The following BRD10 variants were observed in gnomAD, a reference collection of about 807,000 sequenced individuals.
The protein encoded by BRD10 is bromodomain containing 10, also known as uncharacterized bromodomain-containing protein 10.
At chr9:6,007,783 C>T in the BRD10 span, 14 of 1,543,498 alleles carry the variant, frequency 9.1e-6, no homozygotes, top group Middle Eastern at 1.9e-4. Context: ...CCCGGGCACA[C>T]TCATGCCCCG....
chr9:6,008,167 G>A, the BRD10 span: 3 of 974,520 alleles, frequency 3.1e-6, no homozygotes, highest in East Asian at 2.3e-4. Flanking sequence ...CGGGCCAGCG[G>A]GGGGCTGGGA....
chr9:5,936,118 G>T, the BRD10 span, among the ~76,000 whole-genome samples: 11 of 152,214 alleles, frequency 7.2e-5, no homozygotes, highest in African/African-American at 2.6e-4. Context: ...CATTTTGGGA[G>T]GCAGAGGAAG....
At chr9:5,943,043 A>C in the BRD10 span, among the ~76,000 whole-genome samples, 25 of 151,978 alleles carry the variant, frequency 1.6e-4, no homozygotes, top group Non-Finnish European at 2.9e-4. Flanking sequence ...ACGCTGAGCT[A>C]ATTTTTTATT....
chr9:5,887,635 G>T, the BRD10 span, among the ~76,000 whole-genome samples: 1 of 152,180 alleles, frequency 6.6e-6, no homozygotes, highest in South Asian at 2.1e-4. Flanking sequence ...GACTTTCTGG[G>T]ATTTTCAGGC....
chr9:5,949,804 A>C, the BRD10 span, among the ~76,000 whole-genome samples: 1 of 152,238 alleles, frequency 6.6e-6, no homozygotes, highest in Non-Finnish European at 1.5e-5. Flanking sequence ...GTCATATAAC[A>C]TTAGATTTCT....
At chr9:5,954,612 C>T in the BRD10 span, among the ~76,000 whole-genome samples, 3 of 152,078 alleles carry the variant, frequency 2.0e-5, no homozygotes, top group Admixed American at 6.6e-5. Flanking sequence ...CTGCCCTTGG[C>T]GGTATCAATA....
At chr9:5,918,853 G>A in the BRD10 span, among the ~76,000 whole-genome samples, 1,704 of 148,436 alleles carry the variant, frequency 0.011, 34 homozygotes, top group African/African-American at 0.039. Flanking sequence ...TGAAACACAA[G>A]ATTTAAGTGA....
the BRD10 span, among the ~76,000 whole-genome samples, chr9:5,970,539 T>G: frequency 2.2e-4 from 33 of 152,258 alleles, no homozygotes; most frequent in African/African-American, 7.7e-4. Flanking sequence ...GTTTCTTAGA[T>G]CTGACACCCA....
the BRD10 span, chr9:5,968,095 G>T: frequency 6.4e-7 from 1 of 1,565,916 alleles, no homozygotes; most frequent in East Asian, 2.3e-5. Flanking sequence ...TGTAAGACTT[G>T]AATGCAAGAG....
At chr9:5,879,306 TA>T in the BRD10 span, among the ~76,000 whole-genome samples, 3 of 148,910 alleles carry the variant, frequency 2.0e-5, no homozygotes, top group African/African-American at 7.5e-5. Context: ...CTACTAAAAA[TA>T]AAAAAATTAT....
At chr9:5,974,409 G>C in the BRD10 span, among the ~76,000 whole-genome samples, 2 of 152,050 alleles carry the variant, frequency 1.3e-5, no homozygotes, top group African/African-American at 2.4e-5. Context: ...ACTTTCATTT[G>C]AACCAACAAC....
At chr9:5,975,550 T>G in the BRD10 span, among the ~76,000 whole-genome samples, 1 of 149,066 alleles carries the variant, frequency 6.7e-6, no homozygotes, top group Admixed American at 6.7e-5. Flanking sequence ...ATGAGAGATA[T>G]AAAGAAGACC....
At chr9:5,949,069 T>A in the BRD10 span, among the ~76,000 whole-genome samples, 1 of 152,132 alleles carries the variant, frequency 6.6e-6, no homozygotes, top group Non-Finnish European at 1.5e-5. Context: ...AAGGGAGAAC[T>A]ATATTAATTT....
chr9:5,914,421 T>TG, the BRD10 span, among the ~76,000 whole-genome samples: 6 of 114,122 alleles, frequency 5.3e-5, no homozygotes, highest in Non-Finnish European at 1.1e-4. Flanking sequence ...TTTTTTTTTT[T>TG]TTTTTTTTTT....
the BRD10 span, among the ~76,000 whole-genome samples, chr9:5,880,534 AAAAC>A: frequency 2.6e-5 from 4 of 151,898 alleles, no homozygotes; most frequent in Admixed American, 6.6e-5. Context: ...ACAAAAACAA[AAAAC>A]AAACAAACAA....
chr9:5,928,797 CT>C, the BRD10 span, among the ~76,000 whole-genome samples: 5 of 151,500 alleles, frequency 3.3e-5, no homozygotes, highest in Admixed American at 1.3e-4. Context: ...CTTCACAGCA[CT>C]TTTTTTTGCC....
the BRD10 span, among the ~76,000 whole-genome samples, chr9:5,996,210 A>G: frequency 6.6e-6 from 1 of 152,240 alleles, no homozygotes; most frequent in Non-Finnish European, 1.5e-5. Flanking sequence ...GAGGAGAAGA[A>G]TACAAACAAA....
the BRD10 span, among the ~76,000 whole-genome samples, chr9:5,896,948 G>A: frequency 1.6e-4 from 24 of 152,340 alleles, no homozygotes; most frequent in East Asian, 2.5e-3. Context: ...GGGAGGGCAC[G>A]AACATAATTG....
the BRD10 span, among the ~76,000 whole-genome samples, chr9:5,954,625 C>A: frequency 6.6e-6 from 1 of 152,066 alleles, no homozygotes; most frequent in South Asian, 2.1e-4. Context: ...TATCAATACC[C>A]AAAGTTTTAA....
Sources: allele counts gnomAD v4.1 joint callset (sites outside exome capture counted in the v4.1 genomes callset), GRCh38; gene constraint gnomAD v4.1.1; transcripts MANE v1.5; gene names NCBI Gene and HGNC (gene_info 2026-07-23, HGNC 2026-07-21).